Variants in CNTN5 observed in about 807,000 individuals in gnomAD.
CNTN5 encodes the protein contactin 5, also known as contactin-5.
CNTN5 carries 77 observed loss-of-function variants against 129.1 expected under a neutral mutation model. That is an observed-to-expected ratio of 0.60 (90% CI 0.50 to 0.72). CNTN5 has a LOEUF of 0.72. Among genes scored for constraint, CNTN5 ranks in the 30% least tolerant of loss-of-function variants. CNTN5 has a pLI of 0.00. For synonymous variants in CNTN5, 509 were observed against 465.6 expected, an observed-to-expected ratio of 1.09 and a Z score of -1.20; for missense variants, 1,478 against 1,328.8, an observed-to-expected ratio of 1.11 and a Z score of -1.75.
intron 2 of CNTN5, among the ~76,000 whole-genome samples, chr11:99,505,849 A>G (rs1946598290): frequency 1.3e-5 from 2 of 152,218 alleles, no homozygotes; most frequent in Non-Finnish European, 2.9e-5. Flanking sequence ...CCTAATCAGC[A>G]AGGAGCATTT....
chr11:100,352,162 C>T (rs1952431729), intron 24 of CNTN5, among the ~76,000 whole-genome samples: 1 of 151,586 alleles, frequency 6.6e-6, no homozygotes, highest in South Asian at 2.1e-4. Context: ...GATCCTCTCC[C>T]TCCTCCCAAC....
intron 3 of CNTN5, among the ~76,000 whole-genome samples, chr11:99,614,016 T>C (rs1459035740): frequency 6.6e-6 from 1 of 152,200 alleles, no homozygotes; most frequent in Non-Finnish European, 1.5e-5. Flanking sequence ...TATAGCTATA[T>C]AGCATGTGAA....
chr11:99,961,607 G>A (rs550268694), intron 8 of CNTN5, among the ~76,000 whole-genome samples: 1 of 152,020 alleles, frequency 6.6e-6, no homozygotes, highest in African/African-American at 2.4e-5. Flanking sequence ...TCAATAAAGG[G>A]GATTGAAGAC....
At chr11:100,015,341 G>A (rs915001550) in intron 9 of CNTN5, among the ~76,000 whole-genome samples, 2 of 152,046 alleles carry the variant, frequency 1.3e-5, no homozygotes, top group African/African-American at 2.4e-5. Flanking sequence ...TTCTACTTGG[G>A]TTCTAGCATG....
intron 9 of CNTN5, among the ~76,000 whole-genome samples, chr11:100,003,263 A>C (rs1282851303): frequency 3.3e-5 from 5 of 152,182 alleles, no homozygotes; most frequent in Non-Finnish European, 5.9e-5. Context: ...ATAAATTTCA[A>C]AATGTAAAAT....
At chr11:100,139,222 A>T (rs1565278350) in intron 13 of CNTN5, among the ~76,000 whole-genome samples, 1 of 152,156 alleles carries the variant, frequency 6.6e-6, no homozygotes, top group Non-Finnish European at 1.5e-5. Flanking sequence ...CACCATATAG[A>T]TTATAATTAA....
intron 3 of CNTN5, among the ~76,000 whole-genome samples, chr11:99,708,525 TATA>T (rs759842958): frequency 9.7e-4 from 147 of 151,860 alleles, no homozygotes; most frequent in Non-Finnish European, 1.6e-3. Flanking sequence ...ACATATTGTT[TATA>T]ATAAGATACT....
At chr11:100,082,815 T>C (rs953742528) in intron 13 of CNTN5, among the ~76,000 whole-genome samples, 5 of 152,150 alleles carry the variant, frequency 3.3e-5, no homozygotes, top group Non-Finnish European at 7.4e-5. Context: ...AACGCCACTT[T>C]ATGCATTTCT....
chr11:99,716,035 T>G (rs2134991725), intron 3 of CNTN5, among the ~76,000 whole-genome samples: 1 of 149,976 alleles, frequency 6.7e-6, no homozygotes, highest in Admixed American at 6.7e-5. Context: ...TAAAAAAAAG[T>G]TTGGAAGATT....
Position 99,849,210 on chromosome 11 carries a change from ATAAATAT to A in CNTN5, c.577+3956_577+3962del, listed in dbSNP as rs143280028. Among the ~76,000 whole-genome samples, 623 of 151,712 alleles carry A rather than the reference ATAAATAT, an allele frequency of 4.1e-3. 5 individuals are homozygous for A. The highest frequency in any genetic ancestry group is 0.015 in the African/African-American group (602 of 41,454). Reference sequence around the variant, plus strand: ...TATTATACATATTTATTGTGATAAGATAAATATTAAATATAATAAAATGTAAAGATAT... The same window carrying A: ...TATTATACATATTTATTGTGATAAGATAAATATAATAAAATGTAAAGATAT... On this transcript the variant is annotated intron_variant, in intron 6 of 24. Coordinates refer to ENST00000524871, the MANE Select transcript of CNTN5 (RefSeq NM_014361.4).
At chr11:99,708,769 C>A (rs1420008662) in intron 3 of CNTN5, among the ~76,000 whole-genome samples, 1 of 151,710 alleles carries the variant, frequency 6.6e-6, no homozygotes, top group Non-Finnish European at 1.5e-5. Flanking sequence ...TTCTTACACT[C>A]AATGGGGCTG....
At chr11:99,767,399 A>C (rs1944791093) in intron 3 of CNTN5, among the ~76,000 whole-genome samples, 1 of 152,068 alleles carries the variant, frequency 6.6e-6, no homozygotes, top group Non-Finnish European at 1.5e-5. Context: ...ACAACTACTC[A>C]AAAAGAAAGC....
intron 17 of CNTN5, among the ~76,000 whole-genome samples, chr11:100,262,984 A>T (rs142737425): frequency 6.6e-6 from 1 of 152,274 alleles, no homozygotes; most frequent in South Asian, 2.1e-4. Context: ...CAGCATTTTA[A>T]TGCCTACTTC....
At chr11:99,951,582 C>G (rs1209979066) in intron 7 of CNTN5, among the ~76,000 whole-genome samples, 2 of 152,112 alleles carry the variant, frequency 1.3e-5, no homozygotes, top group Non-Finnish European at 2.9e-5. Flanking sequence ...ATTGGACTAC[C>G]TAAAATTTAA....
At chr11:100,354,412 T>C (rs1192250967) in intron 24 of CNTN5, among the ~76,000 whole-genome samples, 1 of 151,632 alleles carries the variant, frequency 6.6e-6, no homozygotes, top group African/African-American at 2.4e-5. Flanking sequence ...ATTAGCTGCA[T>C]ACAATGTTTT....
chr11:99,220,962 C>A (rs1193600384), intron 1 of CNTN5, among the ~76,000 whole-genome samples: 2 of 151,870 alleles, frequency 1.3e-5, no homozygotes, highest in East Asian at 1.9e-4. Context: ...AATTGCCCCA[C>A]TTGTCCTGAA....
chr11:99,815,810 A>G (rs775274102), intron 3 of CNTN5, among the ~76,000 whole-genome samples: 5 of 152,174 alleles, frequency 3.3e-5, no homozygotes, highest in Middle Eastern at 3.2e-3. Flanking sequence ...TTGAAATTCA[A>G]GTATTGGCAT....
chr11:99,329,387 G>A (rs72983743), intron 2 of CNTN5, among the ~76,000 whole-genome samples: 4,740 of 152,142 alleles, frequency 0.031, 106 homozygotes, highest in Middle Eastern at 0.068. Flanking sequence ...TTTCCGTTGT[G>A]GAAATAACTC....
rs1952517956 is a variant in CNTN5, at chr11:100,356,120, G to A, written c.3203G>A (p.Gly1068Glu). ...TTTGATGCTTCTTTTTTCACAGGTG[G>A]AAAAATCACAAGTGCACAGTCGACC... is the stretch of plus-strand genomic sequence containing the variant. ...SQIRVPSYSG[G>E]KITSAQSTLH... The change falls in exon 25 of 25, where the codon GGA becomes GAA. Residue 1068 changes from glycine (G) to glutamate (E), a missense_variant. By Grantham distance (98) the Gly-to-Glu change is moderately conservative. Coordinates refer to ENST00000524871, the MANE Select transcript of CNTN5 (RefSeq NM_014361.4). The A allele has an allele frequency of 1.6e-5, 26 of 1,604,972 alleles. No individual in the cohort carries two copies. Among genetic ancestry groups the A allele is most frequent in the Non-Finnish European group, 2.2e-5 (26 of 1,174,230 alleles).
Sources: gnomAD v4.1 joint callset for allele counts (sites outside exome capture counted in the v4.1 genomes callset) on GRCh38, gnomAD v4.1.1 for gene constraint, MANE v1.5 for transcripts, NCBI Gene and HGNC (gene_info 2026-07-23, HGNC 2026-07-21) for gene names.